Variants in GRK5 observed in about 807,000 individuals in gnomAD.
GRK5 encodes the protein G protein-coupled receptor kinase 5, also known as g protein-coupled receptor kinase GRK5.
In GRK5, 40 loss-of-function variants were observed where a neutral mutation model predicts 78.4. The ratio of observed to expected loss-of-function variants is 0.51; its 90% CI spans 0.40 to 0.66. The LOEUF is 0.66. Among genes scored for constraint, GRK5 ranks in the 30% least tolerant of loss-of-function variants. GRK5 has a pLI of 0.00. For synonymous variants in GRK5, 289 were observed against 296.8 expected (o/e 0.97, Z 0.27); for missense variants, 598 against 759.9 (o/e 0.79, Z 2.50).
At chr10:119,262,910 C>T (rs1299775824) in intron 1 of GRK5, among the ~76,000 whole-genome samples, 1 of 152,176 alleles carries the variant, frequency 6.6e-6, no homozygotes, top group African/African-American at 2.4e-5. Flanking sequence ...TTCCATGGCA[C>T]CCCATTGCAG....
At chr10:119,214,563 A>C (rs763277552) in intron 1 of GRK5, among the ~76,000 whole-genome samples, 17 of 152,154 alleles carry the variant, frequency 1.1e-4, no homozygotes, top group Non-Finnish European at 2.2e-4. Flanking sequence ...GCTGTCACCC[A>C]GTCTGTAGTG....
chr10:119,359,995 GGCTGAGGAGGCTGAGGAGGTGGAGGGAA>G (rs1367836646), intron 2 of GRK5, among the ~76,000 whole-genome samples: 12 of 151,386 alleles, frequency 7.9e-5, no homozygotes, highest in Admixed American at 7.3e-4. Flanking sequence ...GGCGGAGGGA[GGCTGAGGAGGCTGAGGAGGTGGAGGGAA>G]GCTGAGGGAG....
At chr10:119,210,203 T>C (rs1266566068) in intron 1 of GRK5, among the ~76,000 whole-genome samples, 1 of 152,206 alleles carries the variant, frequency 6.6e-6, no homozygotes, top group Non-Finnish European at 1.5e-5. Context: ...CGTCATCTCA[T>C]GGTGAGAAAA....
Position 119,401,061 on chromosome 10 carries a change from C to T in GRK5, c.339+4289C>T, listed in dbSNP as rs1852142259. Among the ~76,000 whole-genome samples, 2 of 152,130 alleles carry T rather than the reference C, an allele frequency of 1.3e-5. 1 individual carries two copies. Among genetic ancestry groups the T allele is most frequent in the Non-Finnish European group, 2.9e-5 (2 of 68,020 alleles). ...AGCATGACGCTGGACACATGGTTCTCGATCAATGTGAGTTGGTTGGAATGA... is the reference window on the plus strand; with the variant it reads ...AGCATGACGCTGGACACATGGTTCTTGATCAATGTGAGTTGGTTGGAATGA... On this transcript the variant is annotated intron_variant, in intron 4 of 15. Coordinates refer to ENST00000392870, the MANE Select transcript of GRK5 (RefSeq NM_005308.3).
rs1420879763 is a variant in GRK5 at position 119,271,928 on chromosome 10, A to G, written c.53-54588A>G. On this transcript the variant is annotated intron_variant, in intron 1 of 15. Coordinates refer to ENST00000392870, the MANE Select transcript of GRK5 (RefSeq NM_005308.3). The surrounding 1 kb of genome is among the most constrained non-coding windows in gnomAD (Gnocchi z 4.1). Reference sequence around the variant, plus strand: ...GTGGAAATCATTTGGCATGATGCCTACTCTTATTCCTTGTCTGTGGGGCCC... The same window carrying G: ...GTGGAAATCATTTGGCATGATGCCTGCTCTTATTCCTTGTCTGTGGGGCCC... Among the ~76,000 whole-genome samples the G allele has an allele frequency of 6.6e-6, 1 of 151,904 alleles. No homozygotes were observed. The highest frequency in any genetic ancestry group is 2.4e-5 in the African/African-American group (1 of 41,338).
At chr10:119,257,407 G>A (rs1461997054) in intron 1 of GRK5, among the ~76,000 whole-genome samples, 1 of 152,220 alleles carries the variant, frequency 6.6e-6, no homozygotes, top group African/African-American at 2.4e-5. Flanking sequence ...TCGCAGGTGG[G>A]AGGGAGTATG....
At chr10:119,410,601 C>T (rs1852320661) in intron 4 of GRK5, among the ~76,000 whole-genome samples, 1 of 152,174 alleles carries the variant, frequency 6.6e-6, no homozygotes, top group Non-Finnish European at 1.5e-5. Context: ...ACTTCCCAGC[C>T]ACACGGCCCT....
At chr10:119,359,573 C>T (rs982785787) in intron 2 of GRK5, among the ~76,000 whole-genome samples, 1 of 152,194 alleles carries the variant, frequency 6.6e-6, no homozygotes, top group African/African-American at 2.4e-5. Context: ...GAGGGGACCA[C>T]TGCATGTGGC....
intron 2 of GRK5, among the ~76,000 whole-genome samples, chr10:119,376,424 C>A (rs1398139465): frequency 6.6e-6 from 1 of 152,102 alleles, no homozygotes; most frequent in Non-Finnish European, 1.5e-5. Context: ...AAGGAAACTT[C>A]TAGTATCAAA....
intron 1 of GRK5, among the ~76,000 whole-genome samples, chr10:119,247,760 G>T (rs1564862434): frequency 6.6e-6 from 1 of 152,216 alleles, no homozygotes; most frequent in Non-Finnish European, 1.5e-5. Context: ...AGCTCAAAGT[G>T]TGTTGGCAAG....
At chr10:119,374,410 C>T (rs1221257125) in intron 2 of GRK5, among the ~76,000 whole-genome samples, 1 of 152,100 alleles carries the variant, frequency 6.6e-6, no homozygotes, top group Non-Finnish European at 1.5e-5. Context: ...AAGAGGCAAG[C>T]GAGGTCTCTC....
intron 13 of GRK5, among the ~76,000 whole-genome samples, chr10:119,449,184 G>C (rs1200077453): frequency 7.8e-6 from 1 of 127,732 alleles, no homozygotes; most frequent in African/African-American, 2.8e-5. Context: ...GTAGCTTACA[G>C]TAGATCTGGT....
chr10:119,277,844 CAAGT>C (rs1849693785), intron 1 of GRK5, among the ~76,000 whole-genome samples: 1 of 152,200 alleles, frequency 6.6e-6, no homozygotes, highest in Non-Finnish European at 1.5e-5. Flanking sequence ...AATCATATAG[CAAGT>C]ACCCTTTCTC....
At chr10:119,297,325 C>T (rs1052358573) in intron 1 of GRK5, among the ~76,000 whole-genome samples, 3 of 152,170 alleles carry the variant, frequency 2.0e-5, no homozygotes, top group Admixed American at 6.5e-5. Context: ...CAGTTGTTCC[C>T]ATTATCACTA....
intron 2 of GRK5, among the ~76,000 whole-genome samples, chr10:119,339,908 A>G (rs1850955604): frequency 6.6e-6 from 1 of 152,166 alleles, no homozygotes; most frequent in African/African-American, 2.4e-5. Flanking sequence ...TTAAACAAAA[A>G]CAAAACCAAC....
At chr10:119,349,724 GT>G (rs1403267140) in intron 2 of GRK5, among the ~76,000 whole-genome samples, 1 of 152,214 alleles carries the variant, frequency 6.6e-6, no homozygotes, top group Non-Finnish European at 1.5e-5. Context: ...TCCCAGCTAA[GT>G]CTGAATGGTG....
chr10:119,354,621 C>T (rs1179854156), intron 2 of GRK5, among the ~76,000 whole-genome samples: 1 of 152,082 alleles, frequency 6.6e-6, no homozygotes, highest in Non-Finnish European at 1.5e-5. Flanking sequence ...AGATTGGTCT[C>T]AAACTCCTAG....
At chr10:119,361,642 G>T (rs1851364452) in intron 2 of GRK5, among the ~76,000 whole-genome samples, 3 of 152,126 alleles carry the variant, frequency 2.0e-5, no homozygotes, top group South Asian at 4.1e-4. Flanking sequence ...TGGGTGCCCG[G>T]CAGTGGGGGA....
chr10:119,386,850 T>C lies in GRK5; in HGVS notation c.261+5923T>C, dbSNP rs918787604. On this transcript the variant is annotated intron_variant, in intron 3 of 15. Coordinates refer to ENST00000392870, the MANE Select transcript of GRK5 (RefSeq NM_005308.3). The stretch of plus-strand genomic sequence containing the variant: ...GAGGAGGTGGCGGGGTCCTTGGTGT[T>C]GCAGTAGCGCCCCGGGTGCTGCCTG... Among the ~76,000 whole-genome samples the C allele has an allele frequency of 2.0e-5, 3 of 152,174 alleles. No homozygotes were observed. The South Asian group carries it at 6.2e-4, about 32-fold the overall frequency.
Sources: allele counts gnomAD v4.1 joint callset (sites outside exome capture counted in the v4.1 genomes callset), GRCh38; gene constraint gnomAD v4.1.1; non-coding constraint Gnocchi (gnomAD v3.1); transcripts MANE v1.5; gene names NCBI Gene and HGNC (gene_info 2026-07-23, HGNC 2026-07-21).